BCAS3: variants seen among roughly 807,000 people sequenced by gnomAD.
The protein encoded by BCAS3 is BCAS4/BCAS3 fusion.
In BCAS3, 53 loss-of-function variants were observed where a neutral mutation model predicts 116.1. That is an observed-to-expected ratio of 0.46 (90% CI 0.37 to 0.57). BCAS3 has a LOEUF of 0.57. BCAS3 is among the 20% of genes least tolerant of loss of function. The probability of loss-of-function intolerance (pLI) is 0.00; values close to 1 mark genes in which losing one functional copy is unlikely to be tolerated. For synonymous variants in BCAS3, 391 were observed against 408.2 expected (o/e 0.96, Z 0.51); for missense variants, 917 against 1,165.4 (o/e 0.79, Z 3.10).
At chr17:60,868,305 G>A (rs148950689) in intron 7 of BCAS3, among the ~76,000 whole-genome samples, 2 of 152,242 alleles carry the variant, frequency 1.3e-5, no homozygotes, top group Non-Finnish European at 2.9e-5. Flanking sequence ...GATTACAGGT[G>A]TGAGTAACTG....
chr17:60,761,608 A>T (rs879113492), intron 6 of BCAS3, among the ~76,000 whole-genome samples: 2 of 152,140 alleles, frequency 1.3e-5, no homozygotes, highest in Admixed American at 6.5e-5. Context: ...TCTATCATTG[A>T]TGGACATTTG....
intron 14 of BCAS3, among the ~76,000 whole-genome samples, chr17:60,979,714 G>A (rs2062665248): frequency 6.6e-6 from 1 of 151,962 alleles, no homozygotes; most frequent in African/African-American, 2.4e-5. Flanking sequence ...AAGGGTTGTT[G>A]AATTTTGTCA....
chr17:61,295,042 T>G (rs2052762408), intron 22 of BCAS3, among the ~76,000 whole-genome samples: 1 of 152,240 alleles, frequency 6.6e-6, no homozygotes, highest in Non-Finnish European at 1.5e-5. Flanking sequence ...TGTCACTTTA[T>G]GAAGGAGACA....
chr17:61,268,607 C>G (rs1375827664), intron 22 of BCAS3, among the ~76,000 whole-genome samples: 4 of 151,818 alleles, frequency 2.6e-5, no homozygotes. Flanking sequence ...TTTTGAGACA[C>G]AGCCTCATTC....
chr17:60,950,457 A>G (rs930301633), intron 14 of BCAS3, among the ~76,000 whole-genome samples: 4 of 152,208 alleles, frequency 2.6e-5, no homozygotes, highest in Non-Finnish European at 5.9e-5. Flanking sequence ...TTTGACATTT[A>G]TCAACTATAA....
At chr17:60,793,491 A>T (rs962559548) in intron 6 of BCAS3, among the ~76,000 whole-genome samples, 1 of 151,968 alleles carries the variant, frequency 6.6e-6, no homozygotes, top group Non-Finnish European at 1.5e-5. Context: ...TGAGATTTTG[A>T]TGCACCCATC....
At chr17:60,754,445 C>T (rs1161230610) in intron 6 of BCAS3, among the ~76,000 whole-genome samples, 4 of 152,142 alleles carry the variant, frequency 2.6e-5, no homozygotes, top group Non-Finnish European at 2.9e-5. Context: ...CTGTGATGCA[C>T]AGGCTGGTCT....
chr17:61,047,779 GCTTA>G (rs1237112792), intron 19 of BCAS3, among the ~76,000 whole-genome samples: 1 of 151,926 alleles, frequency 6.6e-6, no homozygotes, highest in Non-Finnish European at 1.5e-5. Flanking sequence ...TAAAAACAGA[GCTTA>G]CTGAGTTGCC....
At chr17:61,060,401 C>T (rs1399811791) in intron 19 of BCAS3, among the ~76,000 whole-genome samples, 1 of 151,974 alleles carries the variant, frequency 6.6e-6, no homozygotes, top group Non-Finnish European at 1.5e-5. Context: ...TCCCAGAGTG[C>T]TGGGATTACA....
Position 61,327,637 on chromosome 17 carries a change from G to A in BCAS3, c.2426-40690G>A, listed in dbSNP as rs2055847292. 6.6e-6 allele frequency among the ~76,000 whole-genome samples: 1 copy of A among 151,978 alleles called. No homozygotes were observed. The highest frequency in any genetic ancestry group is 2.4e-5 in the African/African-American group (1 of 41,372). On this transcript the variant is annotated intron_variant, in intron 22 of 23. Coordinates refer to ENST00000407086, the MANE Select transcript of BCAS3 (RefSeq NM_017679.5). The surrounding 1 kb of genome is among the most constrained non-coding windows in gnomAD (Gnocchi z 5.9). ...ACATTCTCCTGCCTCAGCCTCCCGA[G>A]TAGCTGGGATTACAGGCATGTACCA... is the stretch of plus-strand genomic sequence containing the variant.
intron 23 of BCAS3, among the ~76,000 whole-genome samples, chr17:61,375,246 G>GTGTGTGCGCGCGCGCGCACACA (rs1555861730): frequency 6.0e-5 from 9 of 150,666 alleles, no homozygotes; most frequent in African/African-American, 2.0e-4. Context: ...GTGTGTGTGT[G>GTGTGTGCGCGCGCGCGCACACA]TGTGTGTGTA....
chr17:60,679,612 T>C, intron 2 of BCAS3, 72 bp downstream of exon 2: 1 of 1,231,568 alleles, frequency 8.1e-7, no homozygotes, highest in East Asian at 2.4e-5. Context: ...AGGTTTTCTT[T>C]ATGAACAGTG....
chr17:61,385,454 C>T (rs2059799702), intron 23 of BCAS3, among the ~76,000 whole-genome samples: 1 of 152,228 alleles, frequency 6.6e-6, no homozygotes, highest in African/African-American at 2.4e-5. Flanking sequence ...GAACTTAGAG[C>T]AGTCACGTGA....
intron 7 of BCAS3, chr17:60,810,920 T>C: frequency 1.4e-6 from 1 of 695,324 alleles, no homozygotes; most frequent in South Asian, 1.4e-5. Context: ...ATGGCAGACA[T>C]CTGGGCCCAA....
Position 61,097,021 on chromosome 17 carries a change from GA to G in BCAS3, c.2425+12460del, listed in dbSNP as rs2074019769. ...GGGTTGAGAATTTTCCAAAGTTAAT[GA>G]AAGACATAAGTCAAAGTTTTAAGAA... On this transcript the variant is annotated intron_variant, in intron 22 of 23. Coordinates refer to ENST00000407086, the MANE Select transcript of BCAS3 (RefSeq NM_017679.5). This position sits in a 1 kb window ranked among gnomAD's most constrained non-coding sequence, Gnocchi z 4.0. Among the ~76,000 whole-genome samples, 1 of 152,162 alleles carries G rather than the reference GA, an allele frequency of 6.6e-6. No individual in the cohort carries two copies. Among genetic ancestry groups the G allele is most frequent in the African/African-American group, 2.4e-5 (1 of 41,450 alleles).
intron 22 of BCAS3, among the ~76,000 whole-genome samples, chr17:61,304,467 C>T (rs1290172043): frequency 1.3e-5 from 2 of 152,202 alleles, no homozygotes; most frequent in South Asian, 2.1e-4. Flanking sequence ...TATACTATTT[C>T]GTGCCTAGAG....
At chr17:60,688,240 A>G (rs1046376009) in intron 3 of BCAS3, 4 of 152,204 alleles carry the variant, frequency 2.6e-5, no homozygotes, top group Non-Finnish European at 5.9e-5. Flanking sequence ...GTAATGCACC[A>G]GTGTTACTTT....
At chr17:61,253,341 T>G (rs1232357710) in intron 22 of BCAS3, among the ~76,000 whole-genome samples, 2 of 151,046 alleles carry the variant, frequency 1.3e-5, no homozygotes, top group Admixed American at 1.3e-4. Flanking sequence ...TCACCTGAGG[T>G]CAGGAGTTGG....
chr17:60,700,204 C>T (rs970531691), intron 4 of BCAS3, among the ~76,000 whole-genome samples: 3 of 148,440 alleles, frequency 2.0e-5, no homozygotes, highest in African/African-American at 7.8e-5. Flanking sequence ...TCAACTCTTA[C>T]GTGAAGTTTG....
Sources: gnomAD v4.1 joint callset for allele counts (sites outside exome capture counted in the v4.1 genomes callset) on GRCh38, gnomAD v4.1.1 for gene constraint, Gnocchi (gnomAD v3.1) non-coding constraint, MANE v1.5 for transcripts, NCBI Gene and HGNC (gene_info 2026-07-23, HGNC 2026-07-21) for gene names.